AGFG2: variants seen among roughly 807,000 people sequenced by gnomAD.
The protein encoded by AGFG2 is ArfGAP with FG repeats 2, also known as arf-GAP domain and FG repeat-containing protein 2.
AGFG2 carries 31 observed loss-of-function variants against 48.0 expected under a neutral mutation model. That is an observed-to-expected ratio of 0.65 (90% confidence interval 0.49 to 0.87). The LOEUF (loss-of-function observed/expected upper bound fraction) is 0.87, where lower values mean the gene tolerates loss of function less well. AGFG2 is among the 40% of genes least tolerant of loss of function. The pLI is 0.00. For missense variants in AGFG2, 599 were observed against 632.6 expected (o/e 0.95, Z 0.57); for synonymous variants, 229 against 260.8 (o/e 0.88, Z 1.18).
chr7:100,543,126 C>T (rs748651262), intron 1 of AGFG2, among the ~76,000 whole-genome samples: 66 of 151,960 alleles, frequency 4.3e-4, no homozygotes, highest in Non-Finnish European at 2.5e-4. Flanking sequence ...TGCAGTGGTC[C>T]GATCTTGGCT....
At chr7:100,543,691 G>A (rs562259892) in intron 1 of AGFG2, among the ~76,000 whole-genome samples, 102 of 152,270 alleles carry the variant, frequency 6.7e-4, no homozygotes, top group African/African-American at 2.5e-3. Flanking sequence ...CTGCATCCCT[G>A]CATGTATGAA....
chr7:100,562,624 G>A lies in AGFG2; in HGVS notation c.1029G>A (p.Pro343=), dbSNP rs952965220. 6 of 1,612,464 alleles carry A rather than the reference G, an allele frequency of 3.7e-6. No homozygotes were observed. Among genetic ancestry groups the A allele is most frequent in the East Asian group, 2.2e-5 (1 of 44,872 alleles). ...SLFGMAGQVP[P]LQSVTMGGGG... Reference sequence around the variant, plus strand: ...TCGGGATGGCTGGCCAGGTCCCCCCGCTCCAGTCTGTCACGATGGGCGGCG... The same window carrying A: ...TCGGGATGGCTGGCCAGGTCCCCCCACTCCAGTCTGTCACGATGGGCGGCG... The change falls in exon 8 of 12, where the codon CCG becomes CCA. Residue 343 remains proline, a synonymous_variant. Transcript: ENST00000300176. The surrounding 1 kb of genome is among the most constrained non-coding windows in gnomAD (Gnocchi z 5.4).
Position 100,562,415 on chromosome 7 carries a change from G to A in AGFG2, c.998+36G>A. On this transcript the variant is annotated intron_variant, in intron 7 of 11. Coordinates refer to ENST00000300176, the MANE Select transcript of AGFG2 (RefSeq NM_006076.5). The surrounding 1 kb of genome is among the most constrained non-coding windows in gnomAD (Gnocchi z 5.4). The stretch of plus-strand genomic sequence containing the variant: ...ACAGTGGGCAGTCTGCTGTAGGGCA[G>A]GAGAGCCGCCCGAAGCCTGGCCATG... 6.2e-7 allele frequency: 1 copy of A among 1,609,646 alleles called. No homozygotes were observed.
rs1800938737 is a variant in AGFG2, at chr7:100,563,938, A to G, written c.1276A>G (p.Thr426Ala). 2 of 1,608,038 alleles carry G rather than the reference A, an allele frequency of 1.2e-6. No individual in the cohort carries two copies. Among genetic ancestry groups the G allele is most frequent in the African/African-American group, 1.3e-5 (1 of 74,764 alleles). ...CCCAGCACCGCTGTTCCCCCCGCAGACCCCGCTTGTTCAGCAGCAGAATGG... is the reference window on the plus strand; with the variant it reads ...CCCAGCACCGCTGTTCCCCCCGCAGGCCCCGCTTGTTCAGCAGCAGAATGG... Reference protein sequence around the residue: ...SFPAPLFPPQTPLVQQQNGSS... With the variant: ...SFPAPLFPPQAPLVQQQNGSS... The change falls in exon 10 of 12, where the codon ACC becomes GCC. Residue 426 changes from threonine (T) to alanine (A), a missense_variant. Coordinates refer to ENST00000300176, the MANE Select transcript of AGFG2 (RefSeq NM_006076.5).
intron 3 of AGFG2, 113 bp from the exon 4 acceptor site, chr7:100,553,234 C>A: frequency 7.6e-7 from 1 of 1,311,508 alleles, no homozygotes; most frequent in Non-Finnish European, 1.1e-6. Flanking sequence ...AAAAGGGAAT[C>A]AGTAGAGAAA....
chr7:100,540,120 A>G (rs754691113), intron 1 of AGFG2, among the ~76,000 whole-genome samples: 37 of 118,742 alleles, frequency 3.1e-4, no homozygotes, highest in Non-Finnish European at 5.3e-4. Flanking sequence ...GTACAGGATT[A>G]AAAAAAAAAA....
chr7:100,550,744 G>A (rs1487226742), intron 3 of AGFG2, among the ~76,000 whole-genome samples: 2 of 152,078 alleles, frequency 1.3e-5, no homozygotes, highest in African/African-American at 2.4e-5. Flanking sequence ...TAGACTGATT[G>A]GAGTCGGGAG....
At position 100,565,008 on chromosome 7, in the gene AGFG2, G is replaced by A. The variant is rs772531852; in HGVS notation, c.*17G>A. The stretch of plus-strand genomic sequence containing the variant: ...TTCTTGTAGCACTGTGTTTTTGGGG[G>A]GCCTCTTCCCTGCCTTCTGGGGCCC... On this transcript the variant is annotated 3_prime_UTR_variant, in exon 12 of 12. Transcript: ENST00000300176. The A allele has an allele frequency of 1.2e-6, 2 of 1,613,824 alleles. No individual in the cohort carries two copies. Among genetic ancestry groups the A allele is most frequent in the East Asian group, 2.2e-5 (1 of 44,878 alleles).
rs1247777833 is a variant in AGFG2 at position 100,539,475 on chromosome 7, G to A, written c.129G>A (p.Gly43=). Residue 43 remains glycine (G), a synonymous_variant, in exon 1 of 12, where the codon GGG becomes GGA. Coordinates refer to ENST00000300176, the MANE Select transcript of AGFG2 (RefSeq NM_006076.5). The part of the protein sequence containing the change: ...VRELGGCSQA[G]NRHCFECAQR... ...AGCTGGGTGGCTGCAGCCAGGCCGG[G>A]AACCGCCACTGCTTCGAGTGCGCCC... 9 of 1,319,418 alleles carry A rather than the reference G, an allele frequency of 6.8e-6. No homozygotes were observed. Among genetic ancestry groups the A allele is most frequent in the Non-Finnish European group, 5.8e-6 (6 of 1,029,358 alleles). The allele number at this position is 1,319,418 out of a possible 1,614,324, so 81.7% of individuals were successfully genotyped here.
intron 6 of AGFG2, among the ~76,000 whole-genome samples, chr7:100,560,748 C>T (rs558936248): frequency 1.6e-4 from 24 of 151,866 alleles, no homozygotes; most frequent in Non-Finnish European, 3.2e-4. Context: ...CTCAGCTTCA[C>T]CCATTTAGGG....
At position 100,562,874 on chromosome 7, in the gene AGFG2, C is replaced by T. The variant is rs1800909276; in HGVS notation, c.1099C>T (p.Pro367Ser). Residue 367 changes from proline (P) to serine (S), a missense_variant, in exon 9 of 12, where the codon CCT becomes TCT. By Grantham distance (74) the Pro-to-Ser change is moderately conservative. Coordinates refer to ENST00000300176, the MANE Select transcript of AGFG2 (RefSeq NM_006076.5). The surrounding 1 kb of genome is among the most constrained non-coding windows in gnomAD (Gnocchi z 5.4). The part of the protein sequence containing the change: ...TGLAFGAFTN[P>S]FTAPAAQSPL... The stretch of plus-strand genomic sequence containing the variant: ...TTCCACCTGGGCAGCCTTCACTAAC[C>T]CTTTCACAGCTCCCGCCGCCCAGTC... The T allele has an allele frequency of 6.2e-7, 1 of 1,614,032 alleles. No individual in the cohort carries two copies. Among genetic ancestry groups the T allele is most frequent in the Non-Finnish European group, 8.5e-7 (1 of 1,180,008 alleles).
At chr7:100,545,706 G>A (rs1584380479) in intron 1 of AGFG2, among the ~76,000 whole-genome samples, 1 of 152,182 alleles carries the variant, frequency 6.6e-6, no homozygotes, top group African/African-American at 2.4e-5. Flanking sequence ...TGAGAGTTAT[G>A]TTGGGGAGCT....
intron 1 of AGFG2, among the ~76,000 whole-genome samples, chr7:100,542,065 G>A (rs1800430383): frequency 6.6e-6 from 1 of 152,038 alleles, no homozygotes; most frequent in African/African-American, 2.4e-5. Flanking sequence ...GCTTAGGCTG[G>A]AGTGCAATGG....
intron 6 of AGFG2, 165 bp downstream of exon 6, chr7:100,555,900 C>A: frequency 1.1e-6 from 1 of 938,006 alleles, no homozygotes; most frequent in Non-Finnish European, 1.5e-6. Context: ...ACATTCTTGT[C>A]AGGGAGAGGG....
chr7:100,551,064 ATATTTC>A (rs1800630641), intron 3 of AGFG2, among the ~76,000 whole-genome samples: 3 of 78,342 alleles, frequency 3.8e-5, no homozygotes, highest in African/African-American at 5.5e-5. Context: ...ATATATATAT[ATATTTC>A]TTTTTTTTTT....
chr7:100,555,263 GTTTTTTTTTTTTTTTT>G (rs1166680394), intron 5 of AGFG2, among the ~76,000 whole-genome samples: 1 of 75,176 alleles, frequency 1.3e-5, no homozygotes, highest in East Asian at 3.5e-4. Flanking sequence ...TGTGTGTGTG[GTTTTTTTTTTTTTTTT>G]TTTTTTTTTT....
chr7:100,543,318 G>T (rs1042616342), intron 1 of AGFG2, among the ~76,000 whole-genome samples: 2 of 152,166 alleles, frequency 1.3e-5, no homozygotes, highest in East Asian at 3.8e-4. Context: ...ACCTGCCTTG[G>T]CCTCCCAAAG....
At chr7:100,557,678 G>A (rs1042392445) in intron 6 of AGFG2, among the ~76,000 whole-genome samples, 6 of 152,018 alleles carry the variant, frequency 3.9e-5, no homozygotes, top group African/African-American at 9.7e-5. Context: ...CAAGTGATCC[G>A]CCTGCCTTGG....
intron 2 of AGFG2, 111 bp from the exon 3 acceptor site, chr7:100,550,285 G>A (rs1191877026): frequency 1.9e-5 from 14 of 724,764 alleles, no homozygotes; most frequent in Non-Finnish European, 2.8e-5. Context: ...CCAGCCCGGC[G>A]ACAGAGCGAG....
Sources: allele counts gnomAD v4.1 joint callset (sites outside exome capture counted in the v4.1 genomes callset), GRCh38; gene constraint gnomAD v4.1.1; non-coding constraint Gnocchi (gnomAD v3.1); transcripts MANE v1.5; gene names NCBI Gene and HGNC (gene_info 2026-07-23, HGNC 2026-07-21).